The following ARHGEF28 variants were observed in gnomAD, a reference collection of about 807,000 sequenced individuals.
The protein encoded by ARHGEF28 is Rho guanine nucleotide exchange factor 28.
Under a neutral mutation model 206.6 loss-of-function variants are expected in ARHGEF28, and 152 were observed. The observed-to-expected ratio is 0.74, with a 90% confidence interval of 0.64 to 0.84. ARHGEF28 has a LOEUF of 0.84. Among genes scored for constraint, ARHGEF28 ranks in the 40% least tolerant of loss-of-function variants. The probability of loss-of-function intolerance (pLI) is 0.00; values close to 1 mark genes in which losing one functional copy is unlikely to be tolerated. For missense variants in ARHGEF28, 2,028 were observed against 2,073.2 expected (o/e 0.98, Z 0.42); for synonymous variants, 763 against 776.4 (o/e 0.98, Z 0.29).
intron 2 of ARHGEF28, among the ~76,000 whole-genome samples, chr5:73,728,076 C>T (rs953056278): frequency 4.6e-5 from 7 of 152,140 alleles, no homozygotes; most frequent in Non-Finnish European, 7.3e-5. Context: ...TGGTGAAGTT[C>T]GTCTTGTTAG....
chr5:73,852,638 T>C lies in ARHGEF28; in HGVS notation c.1748-12T>C, dbSNP rs763718182. ...TGCCTTAGTTTTCATTTTATTGTTC[T>C]GTGTCTTGTAGAGCAAAGAGCTTAC... On this transcript the variant is annotated splice_polypyrimidine_tract_variant and intron_variant, in intron 13 of 35. Coordinates refer to ENST00000513042, the MANE Select transcript of ARHGEF28 (RefSeq NM_001177693.2). 6.9e-5 allele frequency: 112 copies of C among 1,613,244 alleles called. No homozygotes were observed. Among genetic ancestry groups the C allele is most frequent in the Non-Finnish European group, 9.1e-5 (107 of 1,179,458 alleles).
At chr5:73,747,844 C>T (rs756403395) in intron 2 of ARHGEF28, among the ~76,000 whole-genome samples, 6 of 152,120 alleles carry the variant, frequency 3.9e-5, no homozygotes, top group Non-Finnish European at 5.9e-5. Context: ...TGATGAATTA[C>T]AAGACTGTAA....
chr5:73,693,592 C>T (rs971565184), intron 2 of ARHGEF28, among the ~76,000 whole-genome samples: 3 of 152,326 alleles, frequency 2.0e-5, no homozygotes, highest in Middle Eastern at 3.4e-3. Flanking sequence ...CCAATGGAAT[C>T]GGGCAGGGCT....
chr5:73,871,367 G>A (rs1001378049), intron 21 of ARHGEF28, among the ~76,000 whole-genome samples: 1 of 152,092 alleles, frequency 6.6e-6, no homozygotes, highest in African/African-American at 2.4e-5. Flanking sequence ...CATAGAGTAG[G>A]CACTAAAAAC....
At chr5:73,725,333 T>G (rs1561359354) in intron 2 of ARHGEF28, among the ~76,000 whole-genome samples, 1 of 152,246 alleles carries the variant, frequency 6.6e-6, no homozygotes, top group Non-Finnish European at 1.5e-5. Context: ...AGTCCTCTAT[T>G]ATATGAATTC....
intron 2 of ARHGEF28, among the ~76,000 whole-genome samples, chr5:73,735,210 T>C (rs1208353511): frequency 6.6e-6 from 1 of 151,158 alleles, no homozygotes; most frequent in Non-Finnish European, 1.5e-5. Context: ...AATAAATTAA[T>C]ACATTTATTA....
intron 30 of ARHGEF28, chr5:73,900,965 C>T (rs949680700): frequency 2.5e-5 from 11 of 442,082 alleles, no homozygotes; most frequent in African/African-American, 1.8e-4. Flanking sequence ...TTGTGCGGTT[C>T]GTCAGTTGCT....
At chr5:73,716,955 G>T (rs577430079) in intron 2 of ARHGEF28, among the ~76,000 whole-genome samples, 1 of 152,118 alleles carries the variant, frequency 6.6e-6, no homozygotes, top group South Asian at 2.1e-4. Flanking sequence ...TGGTTTCCCA[G>T]TATAAAAAGG....
chr5:73,888,316 CTAGCATATAGATAA>C (rs1761425569), intron 26 of ARHGEF28, among the ~76,000 whole-genome samples: 1 of 152,224 alleles, frequency 6.6e-6, no homozygotes, highest in Non-Finnish European at 1.5e-5. Flanking sequence ...AATCTAATTG[CTAGCATATAGATAA>C]TAAGAAGGCT....
At chr5:73,660,209 A>G (rs574098532) in intron 1 of ARHGEF28, among the ~76,000 whole-genome samples, 2 of 152,318 alleles carry the variant, frequency 1.3e-5, no homozygotes, top group Admixed American at 1.3e-4. Flanking sequence ...CAGCATCTTC[A>G]CTAGGAGTAG....
At chr5:73,773,789 A>C (rs978381040) in intron 4 of ARHGEF28, 66 bp from the exon 5 acceptor site, 8 of 1,407,092 alleles carry the variant, frequency 5.7e-6, no homozygotes, top group Non-Finnish European at 6.6e-6. Flanking sequence ...TGTCCCTTTG[A>C]TAAAATGTGT....
At chr5:73,718,554 G>C (rs1267857743) in intron 2 of ARHGEF28, among the ~76,000 whole-genome samples, 2 of 152,112 alleles carry the variant, frequency 1.3e-5, no homozygotes, top group Non-Finnish European at 2.9e-5. Context: ...GTGTCTGCTT[G>C]CATCTGTGTC....
chr5:73,916,913 A>G (rs1156725318), intron 35 of ARHGEF28, among the ~76,000 whole-genome samples: 1 of 152,212 alleles, frequency 6.6e-6, no homozygotes, highest in Non-Finnish European at 1.5e-5. Flanking sequence ...TAATTACATA[A>G]TAATAAAATT....
At position 73,841,315 on chromosome 5, in the gene ARHGEF28, A is replaced by C. The variant is rs1757974212; in HGVS notation, c.1427+555A>C. 2.6e-5 allele frequency among the ~76,000 whole-genome samples: 4 copies of C among 152,210 alleles called. No individual in the cohort carries two copies. The South Asian group carries it at 8.3e-4, about 32-fold the overall frequency. ...TAGACCTTAGAAGCATGAAGGAACA[A>C]AAAAAGCCCCAAAATACTTGTTAGA... is the stretch of plus-strand genomic sequence containing the variant. On this transcript the variant is annotated intron_variant, in intron 11 of 35. Transcript: ENST00000513042.
intron 13 of ARHGEF28, among the ~76,000 whole-genome samples, chr5:73,852,249 T>G (rs1758749343): frequency 6.6e-6 from 1 of 152,250 alleles, no homozygotes; most frequent in African/African-American, 2.4e-5. Flanking sequence ...AGACTTCATT[T>G]GAGCTTTGTT....
chr5:73,909,579 T>TCAGCAC lies in ARHGEF28; in HGVS notation c.4334_4339dup (p.His1445_Gln1446dup). 1.9e-6 allele frequency: 3 copies of TCAGCAC among 1,563,936 alleles called. No individual in the cohort carries two copies. Among genetic ancestry groups the TCAGCAC allele is most frequent in the Non-Finnish European group, 2.6e-6 (3 of 1,154,506 alleles). ...AGGAGCTGGCCAATGTGCACCAGCT[T>TCAGCAC]CAGCACCAGCTCCAGCAGGAGCAGC... On this transcript the variant is annotated inframe_insertion, in exon 34 of 36. Coordinates refer to ENST00000513042, the MANE Select transcript of ARHGEF28 (RefSeq NM_001177693.2).
At chr5:73,681,173 A>G (rs573052733) in intron 1 of ARHGEF28, among the ~76,000 whole-genome samples, 4 of 149,690 alleles carry the variant, frequency 2.7e-5, no homozygotes, top group Non-Finnish European at 5.9e-5. Context: ...TTCTAATTTT[A>G]TCATCAAGTT....
At chr5:73,765,524 CAT>C (rs1752845916) in intron 4 of ARHGEF28, among the ~76,000 whole-genome samples, 2 of 152,198 alleles carry the variant, frequency 1.3e-5, no homozygotes, top group South Asian at 4.1e-4. Context: ...GCCATCCCAT[CAT>C]ATCTACAAAA....
intron 2 of ARHGEF28, among the ~76,000 whole-genome samples, chr5:73,726,744 G>A (rs1184152601): frequency 6.6e-6 from 1 of 152,190 alleles, no homozygotes; most frequent in Non-Finnish European, 1.5e-5. Context: ...TACCTTTTAT[G>A]TGAACGAGGC....
Sources: allele counts gnomAD v4.1 joint callset (sites outside exome capture counted in the v4.1 genomes callset), GRCh38; gene constraint gnomAD v4.1.1; transcripts MANE v1.5; gene names NCBI Gene and HGNC (gene_info 2026-07-23, HGNC 2026-07-21).